YPEL4: variants seen among roughly 807,000 people sequenced by gnomAD.
The protein encoded by YPEL4 is protein yippee-like 4.
Under a neutral mutation model 16.3 loss-of-function variants are expected in YPEL4, and 5 were observed. That is an observed-to-expected ratio of 0.31 (90% CI 0.16 to 0.64). The LOEUF (loss-of-function observed/expected upper bound fraction) is 0.64. YPEL4 is among the 30% of genes least tolerant of loss of function. The pLI is 0.79. For synonymous variants in YPEL4, 61 were observed against 60.7 expected (o/e 1.00, Z -0.02); for missense variants, 127 against 170.0 (o/e 0.75, Z 1.41).
intron 1 of YPEL4, chr11:57,648,538 G>A (rs1277779499): frequency 3.3e-5 from 5 of 152,424 alleles, no homozygotes; most frequent in African/African-American, 9.6e-5. Flanking sequence ...TGGGCACTCT[G>A]GCAATGCTAG....
At position 57,647,654 on chromosome 11, in the gene YPEL4, T is replaced by A. The variant is rs1945748447; in HGVS notation, c.-184-363A>T. ...TTTCAGTTCTTCGTGAGGCTCTGCATCGCACAGGCACTGTGTCTCAGGGGA... is the reference window on the plus strand; with the variant it reads ...TTTCAGTTCTTCGTGAGGCTCTGCAACGCACAGGCACTGTGTCTCAGGGGA... On this transcript the variant is annotated intron_variant, in intron 1 of 4. Coordinates refer to ENST00000300022, the MANE Select transcript of YPEL4 (RefSeq NM_145008.3). This position sits in a 1 kb window ranked among gnomAD's most constrained non-coding sequence, Gnocchi z 4.2. The A allele has an allele frequency of 6.6e-6, 1 of 152,598 alleles. No individual in the cohort carries two copies. Among genetic ancestry groups the A allele is most frequent in the Non-Finnish European group, 1.5e-5 (1 of 68,326 alleles). The allele number at this position is 152,598 out of a possible 1,614,324, so 9.5% of individuals were successfully genotyped here.
In YPEL4 at chr11:57,646,009, T is replaced by C; in HGVS notation, c.356A>G (p.His119Arg). 1 of 1,614,172 alleles carries C rather than the reference T, an allele frequency of 6.2e-7. No homozygotes were observed. Among genetic ancestry groups the C allele is most frequent in the South Asian group, 1.1e-5 (1 of 91,086 alleles). Residue 119 changes from histidine to arginine, a missense_variant, in exon 5 of 5, where the codon CAC (histidine) becomes CGC (arginine). Transcript: ENST00000300022. ...KEGKYIIEMSHMVKDNGWD is the reference protein window; with the variant it reads ...KEGKYIIEMSRMVKDNGWD ...GTCCCAGCCGTTGTCCTTCACCATG[T>C]GTGACATTTCAATGATGTATTTCCC...
intron 3 of YPEL4, 137 bp from the exon 4 acceptor site, chr11:57,646,542 G>T: frequency 2.5e-6 from 3 of 1,205,414 alleles, no homozygotes; most frequent in Non-Finnish European, 3.5e-6. Flanking sequence ...TTTAAGACTA[G>T]AGCCTGGGCC....
chr11:57,646,468 G>A (rs1192239050), intron 3 of YPEL4, 63 bp from the exon 4 acceptor site: 3 of 1,586,132 alleles, frequency 1.9e-6, no homozygotes, highest in Non-Finnish European at 1.7e-6. Context: ...CCAGTCCCCA[G>A]ACAGCCCAAG....
chr11:57,645,372 A>G lies in YPEL4; in HGVS notation c.*609T>C, dbSNP rs1945718565. The G allele has an allele frequency of 6.5e-6, 1 of 153,218 alleles. No individual in the cohort carries two copies. The highest frequency in any genetic ancestry group is 6.5e-5 in the Admixed American group (1 of 15,352). The allele number at this position is 153,218 out of a possible 1,614,324, so 9.5% of individuals were successfully genotyped here. A position where few individuals can be genotyped will look rare whatever the true frequency, so the allele number is the denominator to read the frequency against. On this transcript the variant is annotated 3_prime_UTR_variant, in exon 5 of 5. Coordinates refer to ENST00000300022, the MANE Select transcript of YPEL4 (RefSeq NM_145008.3). ...ACTCGAAAGTGCCTCTTCAGTGCCA[A>G]GATAAACTAACAAGTGGAGTGAAAT...
chr11:57,649,175 CG>C lies in YPEL4; in HGVS notation c.-185+509del, dbSNP rs563698217. Reference sequence around the variant, plus strand: ...CCCCTGAAGTGAGACGGGGCTGGACCGTAGGAGAAAGGGGAGAGGGAGGGCT... The same window carrying C: ...CCCCTGAAGTGAGACGGGGCTGGACCTAGGAGAAAGGGGAGAGGGAGGGCT... On this transcript the variant is annotated intron_variant, in intron 1 of 4. Transcript: ENST00000300022. 2.5e-3 allele frequency: 378 copies of C among 151,912 alleles called. 5 individuals carry two copies. The highest frequency in any genetic ancestry group is 8.4e-3 in the African/African-American group (348 of 41,344). The allele number at this position is 151,912 out of a possible 1,614,324, so 9.4% of individuals were successfully genotyped here. A position where few individuals can be genotyped will look rare whatever the true frequency, so the allele number is the denominator to read the frequency against.
At position 57,647,414 on chromosome 11, in the gene YPEL4, C is replaced by T. The variant is rs888869641; in HGVS notation, c.-184-123G>A. On this transcript the variant is annotated intron_variant, in intron 1 of 4. Transcript: ENST00000300022. This position sits in a 1 kb window ranked among gnomAD's most constrained non-coding sequence, Gnocchi z 4.2. Reference sequence around the variant, plus strand: ...CTTTCCCCATCACCATCGACCCCCCCACAGCATCCAGTTGCATTGTCGCCC... The same window carrying T: ...CTTTCCCCATCACCATCGACCCCCCTACAGCATCCAGTTGCATTGTCGCCC... 9 of 259,126 alleles carry T rather than the reference C, an allele frequency of 3.5e-5. No homozygotes were observed. In the South Asian group the frequency reaches 3.9e-4, roughly 11 times the overall value. The allele number at this position is 259,126 out of a possible 1,614,324, so 16.1% of individuals were successfully genotyped here. A position where few individuals can be genotyped will look rare whatever the true frequency, so the allele number is the denominator to read the frequency against.
Position 57,645,951 on chromosome 11 carries a change from C to A in YPEL4, c.*30G>T, listed in dbSNP as rs750686696. On this transcript the variant is annotated 3_prime_UTR_variant, in exon 5 of 5. Coordinates refer to ENST00000300022, the MANE Select transcript of YPEL4 (RefSeq NM_145008.3). ...AGGGCCGTGGGGAGGGAGGGGCATG[C>A]GGAGGAAGGGCACACCCTGCCTGAG... The A allele has an allele frequency of 1.9e-6, 3 of 1,606,506 alleles. No homozygotes were observed. Among genetic ancestry groups the A allele is most frequent in the Non-Finnish European group, 2.6e-6 (3 of 1,174,888 alleles).
rs1204454884 is a variant in YPEL4 at position 57,646,377 on chromosome 11, G to C, written c.214C>G (p.Gln72Glu). The C allele has an allele frequency of 1.9e-6, 3 of 1,614,018 alleles. No individual in the cohort carries two copies. Among genetic ancestry groups the C allele is most frequent in the Non-Finnish European group, 2.5e-6 (3 of 1,180,030 alleles). The stretch of plus-strand genomic sequence containing the variant: ...TGGAGCCCCGTGAGCAAGAGGCGCT[G>C]TTCAGCTGGCCCGCAACCCACGTTG... ...VVNVGCGPAE[Q>E]RLLLTGLHSV... is the part of the protein sequence containing the mutation. Residue 72 changes from glutamine to glutamate, a missense_variant, in exon 4 of 5, where the codon CAG becomes GAG. Gln to Glu is a conservative substitution (Grantham distance 29). Coordinates refer to ENST00000300022, the MANE Select transcript of YPEL4 (RefSeq NM_145008.3).
At chr11:57,646,188 T>G (rs930035431) in intron 4 of YPEL4, 109 bp downstream of exon 4, 8 of 1,524,950 alleles carry the variant, frequency 5.2e-6, no homozygotes, top group African/African-American at 1.4e-5. Context: ...TGACTAGTTC[T>G]TTCTTTCCTC....
In YPEL4 at chr11:57,645,802, A is replaced by G. The variant is rs183319978; in HGVS notation, c.*179T>C. 1.7e-4 allele frequency: 103 copies of G among 618,124 alleles called. No individual in the cohort carries two copies. The Middle Eastern group carries it at 1.7e-3, about 10-fold the overall frequency. 38.3% of individuals were successfully genotyped at this position (618,124 alleles called of 1,614,324 possible). ...TCCTGAGCCTTAACACCCCTGGGGT[A>G]CCCCCAGACCCCTGTTCTAAAGGGT... On this transcript the variant is annotated 3_prime_UTR_variant, in exon 5 of 5. Coordinates refer to ENST00000300022, the MANE Select transcript of YPEL4 (RefSeq NM_145008.3).
intron 1 of YPEL4, chr11:57,649,166 G>C (rs1241444375): frequency 6.6e-6 from 1 of 152,268 alleles, no homozygotes; most frequent in Non-Finnish European, 1.5e-5. Context: ...AAGTGAGACG[G>C]GGCTGGACCG....
chr11:57,646,559 T>C, intron 3 of YPEL4, 154 bp from the exon 4 acceptor site: 1 of 1,203,626 alleles, frequency 8.3e-7, no homozygotes, highest in South Asian at 1.4e-5. Flanking sequence ...GGCCTTCTTT[T>C]TCCACCGTTA....
chr11:57,648,815 C>T (rs1186702745), intron 1 of YPEL4: 1 of 152,430 alleles, frequency 6.6e-6, no homozygotes, highest in African/African-American at 2.4e-5. Context: ...TGCCAAGAGA[C>T]CACCTTTCAG....
At position 57,646,374 on chromosome 11, in the gene YPEL4, G is replaced by T; in HGVS notation, c.217C>A (p.Arg73Ser). ...GAGTGGAGCCCCGTGAGCAAGAGGC[G>T]CTGTTCAGCTGGCCCGCAACCCACG... is the stretch of plus-strand genomic sequence containing the variant. The part of the protein sequence containing the change: ...VNVGCGPAEQ[R>S]LLLTGLHSVA... The change falls in exon 4 of 5, where the codon CGC becomes AGC. Residue 73 changes from arginine to serine, a missense_variant. Transcript: ENST00000300022. The T allele has an allele frequency of 1.2e-6, 2 of 1,614,120 alleles. No individual in the cohort carries two copies. Among genetic ancestry groups the T allele is most frequent in the Non-Finnish European group, 1.7e-6 (2 of 1,180,030 alleles).
intron 4 of YPEL4, 79 bp from the exon 5 acceptor site, chr11:57,646,149 C>A: frequency 1.3e-6 from 2 of 1,578,850 alleles, no homozygotes; most frequent in Non-Finnish European, 1.7e-6. Context: ...GGCCCCCACC[C>A]CAAGGGTCAT....
Position 57,646,775 on chromosome 11 carries a change from C to T in YPEL4, c.161G>A (p.Gly54Asp). The change falls in exon 3 of 5, where the codon GGC becomes GAC. Residue 54 changes from glycine to aspartate, a missense_variant. By Grantham distance (94) the Gly-to-Asp change is moderately conservative. Transcript: ENST00000300022. ...CACGGAGTTAAACAGGTAGGCTCGG[C>T]CATGGCTCCCTTGGAAGGACTGTGG... ...LISKSFQGSH[G>D]RAYLFNSVVN... is the part of the protein sequence containing the mutation. The T allele has an allele frequency of 1.9e-6, 3 of 1,613,978 alleles. No homozygotes were observed. Among genetic ancestry groups the T allele is most frequent in the Non-Finnish European group, 2.5e-6 (3 of 1,179,966 alleles).
Position 57,647,055 on chromosome 11 carries a change from A to G in YPEL4, c.53T>C (p.Phe18Ser). ...PGPACLPTKT[F>S]RSYLPRCHRT... ...GTGACAGCGGGGCAGATAGCTGCGG[A>G]AAGTCTTGGTGGGGAGGCAGGCAGG... The change falls in exon 2 of 5, where the codon TTC becomes TCC. Residue 18 changes from phenylalanine to serine, a missense_variant. Transcript: ENST00000300022. This position sits in a 1 kb window ranked among gnomAD's most constrained non-coding sequence, Gnocchi z 4.2. The G allele has an allele frequency of 6.3e-7, 1 of 1,597,460 alleles. No individual in the cohort carries two copies. Among genetic ancestry groups the G allele is most frequent in the Middle Eastern group, 1.7e-4 (1 of 5,996 alleles).
chr11:57,647,225 G>A lies in YPEL4; in HGVS notation c.-118C>T, dbSNP rs1945742774. The A allele has an allele frequency of 1.4e-6, 2 of 1,382,602 alleles. No individual in the cohort carries two copies. The highest frequency in any genetic ancestry group is 3.2e-5 in the Admixed American group (1 of 31,312). 85.6% of individuals were successfully genotyped at this position (1,382,602 alleles called of 1,614,324 possible). On this transcript the variant is annotated 5_prime_UTR_variant, in exon 2 of 5. Coordinates refer to ENST00000300022, the MANE Select transcript of YPEL4 (RefSeq NM_145008.3). The surrounding 1 kb of genome is among the most constrained non-coding windows in gnomAD (Gnocchi z 4.2). ...TGGCTAGAGCCGTGTTTCAGGGCAG[G>A]AGAAGTGTTGGGGGGCTGCCCGGCC...
Sources: gnomAD v4.1 joint callset for allele counts on GRCh38, gnomAD v4.1.1 for gene constraint, Gnocchi (gnomAD v3.1) non-coding constraint, MANE v1.5 for transcripts, NCBI Gene and HGNC (gene_info 2026-07-23, HGNC 2026-07-21) for gene names.